Variants in TBX5 observed in about 807,000 individuals in gnomAD.
TBX5 encodes T-box transcription factor TBX5.
In TBX5, 8 loss-of-function variants were observed where a neutral mutation model predicts 51.1. The observed-to-expected ratio is 0.16, with a 90% confidence interval of 0.09 to 0.28. TBX5 has a LOEUF of 0.28. TBX5 is among the 10% of genes least tolerant of loss of function. TBX5 has a pLI of 1.00. For missense variants in TBX5, 589 were observed against 671.7 expected (o/e 0.88, Z 1.36); for synonymous variants, 302 against 266.4 (o/e 1.13, Z -1.30).
chr12:114,407,096 C>G, upstream of TBX5: 2 of 985,338 alleles, frequency 2.0e-6, no homozygotes, highest in Non-Finnish European at 1.2e-6. Context: ...GAGAAATGCC[C>G]CGAGGTCAGC....
At chr12:114,385,803 T>C (rs1870781848) in intron 6 of TBX5, among the ~76,000 whole-genome samples, 1 of 151,114 alleles carries the variant, frequency 6.6e-6, no homozygotes, top group South Asian at 2.1e-4. Flanking sequence ...GTTTGCCCAT[T>C]AATTGGAGTC....
intron 7 of TBX5, among the ~76,000 whole-genome samples, chr12:114,373,786 A>C (rs1202534994): frequency 1.3e-5 from 2 of 152,264 alleles, no homozygotes; most frequent in Non-Finnish European, 2.9e-5. Context: ...AATTTATGGT[A>C]ATAATTCATC....
intron 5 of TBX5, among the ~76,000 whole-genome samples, chr12:114,395,697 A>G (rs1034817553): frequency 7.9e-5 from 12 of 152,184 alleles, no homozygotes; most frequent in Non-Finnish European, 1.8e-4. Context: ...CAGAACGGCT[A>G]CATCTGCTTT....
At chr12:114,394,162 A>G (rs1406115151) in intron 6 of TBX5, among the ~76,000 whole-genome samples, 1 of 152,176 alleles carries the variant, frequency 6.6e-6, no homozygotes, top group Admixed American at 6.5e-5. Context: ...AAAGTTAAAA[A>G]TTGGCTGAGC....
At chr12:114,370,272 AGAAAAGAAAAGAAAAGAAAGAAAAG>A (rs1869794582) in intron 7 of TBX5, among the ~76,000 whole-genome samples, 2 of 82,908 alleles carry the variant, frequency 2.4e-5, no homozygotes, top group Non-Finnish European at 3.0e-5. Context: ...AGAAAAGAAA[AGAAAAGAAAAGAAAAGAAAGAAAAG>A]AAAAGAAAAG....
At position 114,357,686 on chromosome 12, in the gene TBX5, CA is replaced by C. The variant is rs113472473; in HGVS notation, c.983-1581del. Among the ~76,000 whole-genome samples, 95 of 152,352 alleles carry C rather than the reference CA, an allele frequency of 6.2e-4. 2 individuals are homozygous for C. The highest frequency in any genetic ancestry group is 2.3e-3 in the African/African-American group (94 of 41,580). The stretch of plus-strand genomic sequence containing the variant: ...AATAATACCCTCAAAGTATTCCCTT[CA>C]GGGGAAGCAATACTTGGGGATATCT... On this transcript the variant is annotated intron_variant, in intron 8 of 8. Transcript: ENST00000405440.
At chr12:114,401,539 T>C (rs1446840478) in intron 3 of TBX5, among the ~76,000 whole-genome samples, 1 of 152,066 alleles carries the variant, frequency 6.6e-6, no homozygotes, top group Non-Finnish European at 1.5e-5. Flanking sequence ...CCTCCCAAGC[T>C]CTTTATTCTT....
At chr12:114,380,486 C>T (rs977474612) in intron 7 of TBX5, among the ~76,000 whole-genome samples, 3 of 152,168 alleles carry the variant, frequency 2.0e-5, no homozygotes, top group African/African-American at 4.8e-5. Flanking sequence ...TCCTTCTTTT[C>T]TTCCTTTCTT....
At position 114,355,498 on chromosome 12, in the gene TBX5, T is replaced by G. The variant is rs1241613952; in HGVS notation, c.*34A>C. 2 of 1,610,984 alleles carry G rather than the reference T, an allele frequency of 1.2e-6. No individual in the cohort carries two copies. The highest frequency in any genetic ancestry group is 2.7e-5 in the African/African-American group (2 of 74,858). On this transcript the variant is annotated 3_prime_UTR_variant, in exon 9 of 9. Coordinates refer to ENST00000405440, the MANE Select transcript of TBX5 (RefSeq NM_181486.4). Reference sequence around the variant, plus strand: ...TCTTTCTCCTCTCTCTCTCTCTTTCTCTAGGAAATGTCTGTTGTGAAGCAG... The same window carrying G: ...TCTTTCTCCTCTCTCTCTCTCTTTCGCTAGGAAATGTCTGTTGTGAAGCAG...
chr12:114,394,128 G>C (rs1431074512), intron 6 of TBX5, among the ~76,000 whole-genome samples: 1 of 152,178 alleles, frequency 6.6e-6, no homozygotes, highest in Non-Finnish European at 1.5e-5. Flanking sequence ...GCAACATAGA[G>C]AGACCCCGTC....
chr12:114,394,134 C>A (rs528436499), intron 6 of TBX5, among the ~76,000 whole-genome samples: 2 of 152,244 alleles, frequency 1.3e-5, no homozygotes, highest in Non-Finnish European at 2.9e-5. Context: ...TAGAGAGACC[C>A]CGTCTTTACA....
chr12:114,385,440 G>C, intron 7 of TBX5, 36 bp downstream of exon 7: 1 of 1,592,098 alleles, frequency 6.3e-7, no homozygotes, highest in East Asian at 2.2e-5. Context: ...TGAGGGGTAT[G>C]TGGGGAGGAG....
intron 8 of TBX5, among the ~76,000 whole-genome samples, chr12:114,361,229 T>C (rs1341463580): frequency 6.6e-6 from 1 of 152,228 alleles, no homozygotes; most frequent in Non-Finnish European, 1.5e-5. Context: ...CAAAGACTGC[T>C]GCAGGGAACT....
intron 7 of TBX5, among the ~76,000 whole-genome samples, chr12:114,368,477 C>T (rs922035245): frequency 3.3e-5 from 5 of 152,218 alleles, no homozygotes; most frequent in African/African-American, 1.2e-4. Context: ...TTCTATGACT[C>T]TATGTGATAG....
chr12:114,387,838 C>G (rs1181823366), intron 6 of TBX5, among the ~76,000 whole-genome samples: 3 of 152,188 alleles, frequency 2.0e-5, no homozygotes, highest in African/African-American at 7.2e-5. Context: ...AAAAATGAAG[C>G]CTTTTTGTTT....
At chr12:114,387,401 T>C (rs767439484) in intron 6 of TBX5, among the ~76,000 whole-genome samples, 3 of 152,196 alleles carry the variant, frequency 2.0e-5, no homozygotes, top group Admixed American at 6.5e-5. Context: ...CCATAAAAAA[T>C]ATACATACAA....
At chr12:114,405,192 A>C (rs936374989) in intron 1 of TBX5, among the ~76,000 whole-genome samples, 4 of 152,152 alleles carry the variant, frequency 2.6e-5, no homozygotes, top group Non-Finnish European at 5.9e-5. Flanking sequence ...ACAGCTTCTG[A>C]GGCCTGACTT....
intron 6 of TBX5, among the ~76,000 whole-genome samples, chr12:114,391,034 G>T (rs1444938315): frequency 1.3e-5 from 2 of 152,182 alleles, no homozygotes; most frequent in Non-Finnish European, 2.9e-5. Context: ...TGCAGCCTAA[G>T]AAATGAACCA....
upstream of TBX5, among the ~76,000 whole-genome samples, chr12:114,406,641 T>G (rs1872245417): frequency 6.6e-6 from 1 of 151,878 alleles, no homozygotes; most frequent in Admixed American, 6.6e-5. Context: ...AGGGTGAAGG[T>G]GCATTGGGAT....
Sources: allele counts gnomAD v4.1 joint callset (sites outside exome capture counted in the v4.1 genomes callset), GRCh38; gene constraint gnomAD v4.1.1; transcripts MANE v1.5; gene names NCBI Gene and HGNC (gene_info 2026-07-23, HGNC 2026-07-21).